STIL: variants seen among roughly 807,000 people sequenced by gnomAD.
STIL encodes SCL-interrupting locus protein.
A neutral mutation model predicts 110.1 loss-of-function variants in STIL; 55 were observed. The ratio of observed to expected loss-of-function variants is 0.50; its 90% confidence interval spans 0.40 to 0.63. The LOEUF (loss-of-function observed/expected upper bound fraction) is 0.63, where lower values mean the gene tolerates loss of function less well. STIL is among the 20% of genes least tolerant of loss of function. The pLI is 0.00. For missense variants in STIL, 1,358 were observed against 1,530.0 expected, an observed-to-expected ratio of 0.89 and a Z score of 1.87; for synonymous variants, 481 against 530.0, an observed-to-expected ratio of 0.91 and a Z score of 1.27.
chr1:47,300,211 A>C, intron 5 of STIL, 59 bp from the exon 6 acceptor site: 2 of 1,522,060 alleles, frequency 1.3e-6, no homozygotes, highest in Non-Finnish European at 1.8e-6. Flanking sequence ...ATATCGCCAA[A>C]GTTTATTTTA....
intron 2 of STIL, among the ~76,000 whole-genome samples, chr1:47,307,270 C>T (rs1001655390): frequency 3.3e-5 from 5 of 152,090 alleles, no homozygotes; most frequent in Admixed American, 6.6e-5. Flanking sequence ...GAGCTGAGAC[C>T]GCACCACTGC....
At chr1:47,262,439 T>G (rs975026554) in intron 15 of STIL, among the ~76,000 whole-genome samples, 4 of 152,202 alleles carry the variant, frequency 2.6e-5, no homozygotes, top group Non-Finnish European at 5.9e-5. Flanking sequence ...GTGCTGTTGT[T>G]TCCCCTAGGC....
At chr1:47,304,590 C>T (rs182773328) in intron 3 of STIL, among the ~76,000 whole-genome samples, 166 of 152,280 alleles carry the variant, frequency 1.1e-3, no homozygotes, top group Non-Finnish European at 1.8e-3. Context: ...AGCTTCTCAA[C>T]GTTCCACAAA....
intron 15 of STIL, among the ~76,000 whole-genome samples, chr1:47,261,065 A>G (rs1238834137): frequency 6.6e-6 from 1 of 152,122 alleles, no homozygotes; most frequent in African/African-American, 2.4e-5. Flanking sequence ...TAGAGAAAAC[A>G]GAATGCTTGT....
chr1:47,280,127 T>C, intron 12 of STIL, 114 bp downstream of exon 12: 2 of 1,419,274 alleles, frequency 1.4e-6, no homozygotes, highest in South Asian at 2.4e-5. Flanking sequence ...CCAAGGTCCC[T>C]CCTAATTCTG....
upstream of STIL, among the ~76,000 whole-genome samples, chr1:47,314,536 C>T (rs77234348): frequency 5.3e-3 from 805 of 152,286 alleles, 2 homozygotes; most frequent in East Asian, 0.03. Flanking sequence ...GAAGCGGACA[C>T]CCGAAGAACA....
At chr1:47,284,632 G>A (rs1645240644) in intron 10 of STIL, among the ~76,000 whole-genome samples, 1 of 152,218 alleles carries the variant, frequency 6.6e-6, no homozygotes, top group Non-Finnish European at 1.5e-5. Flanking sequence ...ACACAAGCCT[G>A]TAATCCCAGC....
intron 7 of STIL, among the ~76,000 whole-genome samples, chr1:47,293,803 G>A (rs1041506035): frequency 3.9e-5 from 6 of 152,182 alleles, no homozygotes; most frequent in South Asian, 4.2e-4. Context: ...GAGCAAGCAC[G>A]CGTATCTCTG....
At chr1:47,281,659 C>T (rs539805454) in intron 11 of STIL, among the ~76,000 whole-genome samples, 1 of 152,110 alleles carries the variant, frequency 6.6e-6, no homozygotes, top group South Asian at 2.1e-4. Context: ...AAATATTTCT[C>T]CACTAAGAAG....
chr1:47,287,773 AT>A, intron 9 of STIL, 113 bp from the exon 10 acceptor site: 1 of 816,628 alleles, frequency 1.2e-6, no homozygotes, highest in Non-Finnish European at 2.1e-6. Flanking sequence ...CAGACTTCTG[AT>A]TTCTGTAACC....
In STIL at chr1:47,305,125, A is replaced by T. The variant is rs1645916777; in HGVS notation, c.45-129T>A. 7 of 666,780 alleles carry T rather than the reference A, an allele frequency of 1.0e-5. No homozygotes were observed. In the Admixed American group the frequency reaches 1.1e-4, roughly 11 times the overall value. The allele number at this position is 666,780 out of a possible 1,614,324, so 41.3% of individuals were successfully genotyped here. A position where few individuals can be genotyped will look rare whatever the true frequency, so the allele number is the denominator to read the frequency against. On this transcript the variant is annotated intron_variant, in intron 2 of 16. Coordinates refer to ENST00000371877, the MANE Select transcript of STIL (RefSeq NM_001048166.1). The stretch of plus-strand genomic sequence containing the variant: ...TACTTTTGTAATTTTCAAAGAGTTT[A>T]TATATATATATTTTTTTTGAGACAA...
Position 47,250,866 on chromosome 1 carries a change from T to A in STIL, c.*270A>T, listed in dbSNP as rs1214004861. The stretch of plus-strand genomic sequence containing the variant: ...AGAGCAGTTGAGACTTAGAGCTGGA[T>A]AGTATCTGTCTACTACTTAAACTTG... On this transcript the variant is annotated 3_prime_UTR_variant, in exon 17 of 17. Coordinates refer to ENST00000371877, the MANE Select transcript of STIL (RefSeq NM_001048166.1). 2.5e-6 allele frequency: 1 copy of A among 399,280 alleles called. No individual in the cohort carries two copies. The allele number at this position is 399,280 out of a possible 1,614,324, so 24.7% of individuals were successfully genotyped here.
At chr1:47,312,500 C>T (rs1646164584) in intron 1 of STIL, among the ~76,000 whole-genome samples, 1 of 152,046 alleles carries the variant, frequency 6.6e-6, no homozygotes, top group South Asian at 2.1e-4. Flanking sequence ...AATATCTGGA[C>T]TTAAAAGGTT....
At chr1:47,276,338 T>C (rs995340602) in intron 12 of STIL, among the ~76,000 whole-genome samples, 1 of 151,878 alleles carries the variant, frequency 6.6e-6, no homozygotes, top group African/African-American at 2.4e-5. Flanking sequence ...GAATATTCTG[T>C]ACAAAACAAA....
At position 47,250,833 on chromosome 1, in the gene STIL, A is replaced by C; in HGVS notation, c.*303T>G. 3.7e-6 allele frequency: 1 copy of C among 269,008 alleles called. No individual in the cohort carries two copies. Among genetic ancestry groups the C allele is most frequent in the Non-Finnish European group, 7.0e-6 (1 of 142,056 alleles). 16.7% of individuals were successfully genotyped at this position (269,008 alleles called of 1,614,324 possible). A position where few individuals can be genotyped will look rare whatever the true frequency, so the allele number is the denominator to read the frequency against. On this transcript the variant is annotated 3_prime_UTR_variant, in exon 17 of 17. Coordinates refer to ENST00000371877, the MANE Select transcript of STIL (RefSeq NM_001048166.1). ...AACTCCGTCTCAAAAAAAAAAGTAC[A>C]GTATAAAAGAGCAGTTGAGACTTAG...
chr1:47,299,532 A>G (rs1227224280), intron 6 of STIL, among the ~76,000 whole-genome samples: 1 of 151,654 alleles, frequency 6.6e-6, no homozygotes, highest in African/African-American at 2.4e-5. Flanking sequence ...AACTGGGACT[A>G]CAGGCATGCA....
In STIL at chr1:47,308,661, A is replaced by T. The variant is rs1646036947; in HGVS notation, c.44+1615T>A. On this transcript the variant is annotated intron_variant, in intron 2 of 16. Transcript: ENST00000371877. Reference sequence around the variant, plus strand: ...GAGGTAGACACAGTTAATGGGTTTAAAAAAAAAAAACCAGAAAGAATGATT... The same window carrying T: ...GAGGTAGACACAGTTAATGGGTTTATAAAAAAAAAACCAGAAAGAATGATT... 4.0e-5 allele frequency among the ~76,000 whole-genome samples: 6 copies of T among 148,586 alleles called. No homozygotes were observed. The South Asian group carries it at 1.3e-3, about 31-fold the overall frequency.
At chr1:47,282,201 T>C (rs1645173337) in intron 11 of STIL, 144 bp downstream of exon 11, 2 of 609,988 alleles carry the variant, frequency 3.3e-6, no homozygotes, top group East Asian at 3.0e-5. Flanking sequence ...TATCTCTATA[T>C]ATAGATATAA....
In STIL at chr1:47,251,290, A is replaced by C. The variant is rs1341712972; in HGVS notation, c.3713T>G (p.Phe1238Cys). The change falls in exon 17 of 17, where the codon TTC becomes TGC. Residue 1238 changes from phenylalanine to cysteine, a missense_variant. Physicochemically the swap from Phe to Cys is radical, Grantham distance 205 (BLOSUM62 -2). Coordinates refer to ENST00000371877, the MANE Select transcript of STIL (RefSeq NM_001048166.1). The part of the protein sequence containing the change: ...AVNLRTGKAE[F>C]TQHPEKENEG... ...ATTTTCTTTCTCAGGATGTTGAGTG[A>C]ACTCTGCTTTCCCGGTTCGAAGGTT... 2 of 1,613,596 alleles carry C rather than the reference A, an allele frequency of 1.2e-6. No individual in the cohort carries two copies. Among genetic ancestry groups the C allele is most frequent in the Non-Finnish European group, 1.7e-6 (2 of 1,179,558 alleles).
Sources: allele counts gnomAD v4.1 joint callset (sites outside exome capture counted in the v4.1 genomes callset), GRCh38; gene constraint gnomAD v4.1.1; transcripts MANE v1.5; gene names NCBI Gene and HGNC (gene_info 2026-07-23, HGNC 2026-07-21).